Variants in CDH13 observed in about 807,000 individuals in gnomAD.
CDH13 encodes cadherin 13.
In CDH13, 24 loss-of-function variants were observed where a neutral mutation model predicts 63.8. The ratio of observed to expected loss-of-function variants is 0.38; its 90% confidence interval spans 0.27 to 0.53. CDH13 has a LOEUF of 0.53. CDH13 is among the 20% of genes least tolerant of loss of function. The pLI, the probability that CDH13 is intolerant of heterozygous loss-of-function variation, is 0.85. For synonymous variants in CDH13, 503 were observed against 355.3 expected, an observed-to-expected ratio of 1.42 and a Z score of -4.67; for missense variants, 1,049 against 903.1, an observed-to-expected ratio of 1.16 and a Z score of -2.07.
intron 2 of CDH13, among the ~76,000 whole-genome samples, chr16:82,947,822 C>T (rs192032396): frequency 2.0e-3 from 295 of 150,932 alleles, no homozygotes; most frequent in Admixed American, 9.2e-3. Flanking sequence ...TTATGATAAA[C>T]TGCTGAAAGT....
chr16:82,805,719 G>A (rs1245958389), intron 1 of CDH13, among the ~76,000 whole-genome samples: 1 of 152,128 alleles, frequency 6.6e-6, no homozygotes, highest in African/African-American at 2.4e-5. Flanking sequence ...ATTTCTAATG[G>A]TGCTTTTGCC....
At chr16:83,177,989 G>T (rs1273600944) in intron 4 of CDH13, among the ~76,000 whole-genome samples, 1 of 152,204 alleles carries the variant, frequency 6.6e-6, no homozygotes, top group Non-Finnish European at 1.5e-5. Flanking sequence ...AGGATGAGTG[G>T]GTAGTAGATG....
chr16:83,085,094 A>G (rs2033497990), intron 3 of CDH13, among the ~76,000 whole-genome samples: 2 of 152,064 alleles, frequency 1.3e-5, no homozygotes, highest in South Asian at 4.2e-4. Context: ...TGCTGTTGAT[A>G]GAGACATAGC....
intron 2 of CDH13, among the ~76,000 whole-genome samples, chr16:82,881,373 G>A (rs1289046763): frequency 6.6e-6 from 1 of 152,124 alleles, no homozygotes; most frequent in East Asian, 1.9e-4. Flanking sequence ...GAAAGCTGGA[G>A]TCTGACAGTC....
At chr16:83,242,329 T>G (rs1904541864) in intron 5 of CDH13, among the ~76,000 whole-genome samples, 1 of 152,176 alleles carries the variant, frequency 6.6e-6, no homozygotes. Context: ...TTTACTGAGG[T>G]GGCAATGACT....
chr16:83,440,745 A>C (rs1013967097), intron 6 of CDH13, among the ~76,000 whole-genome samples: 2 of 145,338 alleles, frequency 1.4e-5, no homozygotes, highest in Non-Finnish European at 3.0e-5. Context: ...AGACTGAGCC[A>C]CCGCACTCCA....
At position 83,661,842 on chromosome 16, in the gene CDH13, G is replaced by A. The variant is rs116364875; in HGVS notation, c.1102-8948G>A. ...AATGAATCAGAGAAGTGTGCCCTGA[G>A]GGGAAGAGGGAGCAATTCCTGCCAG... is the stretch of plus-strand genomic sequence containing the variant. On this transcript the variant is annotated intron_variant, in intron 8 of 13. Transcript: ENST00000567109. Among the ~76,000 whole-genome samples, 543 of 152,300 alleles carry A rather than the reference G, an allele frequency of 3.6e-3. 3 individuals are homozygous for A. Among genetic ancestry groups the A allele is most frequent in the African/African-American group, 0.012 (518 of 41,558 alleles).
chr16:83,627,382 C>T (rs1205440221), intron 8 of CDH13, among the ~76,000 whole-genome samples: 1 of 152,162 alleles, frequency 6.6e-6, no homozygotes, highest in Non-Finnish European at 1.5e-5. Flanking sequence ...AACATACATA[C>T]AGCGAAGCAG....
chr16:83,451,233 A>G (rs542013976), intron 6 of CDH13, among the ~76,000 whole-genome samples: 42 of 152,352 alleles, frequency 2.8e-4, no homozygotes, highest in African/African-American at 7.9e-4. Flanking sequence ...ACAGTTCCAC[A>G]TGGCTGGGGA....
At chr16:83,171,387 A>G in intron 4 of CDH13, 1 of 736,312 alleles carries the variant, frequency 1.4e-6, no homozygotes, top group Admixed American at 2.1e-5. Flanking sequence ...ACCAGGCCCC[A>G]CCTCCAACAT....
chr16:82,903,106 T>C (rs537172573), intron 2 of CDH13, among the ~76,000 whole-genome samples: 1 of 152,384 alleles, frequency 6.6e-6, no homozygotes, highest in Non-Finnish European at 1.5e-5. Context: ...TCAGAGACTT[T>C]AAAGCACATG....
At chr16:83,107,899 A>G (rs1031760346) in intron 3 of CDH13, among the ~76,000 whole-genome samples, 5 of 150,892 alleles carry the variant, frequency 3.3e-5, no homozygotes, top group African/African-American at 1.2e-4. Context: ...GGCTCACTGC[A>G]ACATCCGCCT....
chr16:82,956,885 C>G (rs551782781), intron 2 of CDH13, among the ~76,000 whole-genome samples: 2 of 152,152 alleles, frequency 1.3e-5, no homozygotes, highest in Non-Finnish European at 2.9e-5. Context: ...AAGATAGATG[C>G]ATATTACTCT....
intron 2 of CDH13, among the ~76,000 whole-genome samples, chr16:82,976,595 T>G (rs1306031793): frequency 6.6e-6 from 1 of 152,202 alleles, no homozygotes; most frequent in Non-Finnish European, 1.5e-5. Context: ...GATACCCATT[T>G]TACAACTGTA....
At chr16:83,634,030 T>C (rs560445915) in intron 8 of CDH13, among the ~76,000 whole-genome samples, 2 of 152,164 alleles carry the variant, frequency 1.3e-5, no homozygotes, top group Admixed American at 1.3e-4. Flanking sequence ...ATAACTGTAG[T>C]GCAACAATAC....
chr16:82,782,828 C>A (rs1234563378), intron 1 of CDH13, among the ~76,000 whole-genome samples: 1 of 152,180 alleles, frequency 6.6e-6, no homozygotes, highest in African/African-American at 2.4e-5. Context: ...CCTTTCAGCT[C>A]CAAGTTCCTG....
chr16:83,162,351 G>A (rs866448407), intron 4 of CDH13, among the ~76,000 whole-genome samples: 8 of 151,968 alleles, frequency 5.3e-5, no homozygotes, highest in African/African-American at 7.3e-5. Flanking sequence ...CTTTATTTAC[G>A]TGATATCATT....
intron 8 of CDH13, among the ~76,000 whole-genome samples, chr16:83,635,332 CTTTTTTTTTTTTT>C (rs71148847): frequency 4.3e-5 from 2 of 46,716 alleles, no homozygotes; most frequent in African/African-American, 2.0e-4. Context: ...CATTTTCTTT[CTTTTTTTTTTTTT>C]TTTTTTTTTT....
chr16:83,601,977 C>T (rs1237630542), intron 7 of CDH13, among the ~76,000 whole-genome samples: 1 of 150,964 alleles, frequency 6.6e-6, no homozygotes, highest in Admixed American at 6.6e-5. Context: ...CCTGTAATCC[C>T]AGCTACTCAG....
Sources: allele counts gnomAD v4.1 joint callset (sites outside exome capture counted in the v4.1 genomes callset), GRCh38; gene constraint gnomAD v4.1.1; transcripts MANE v1.5; gene names NCBI Gene and HGNC (gene_info 2026-07-23, HGNC 2026-07-21).